SLX4IP: variants seen among roughly 807,000 people sequenced by gnomAD.
The protein encoded by SLX4IP is protein SLX4IP.
SLX4IP carries 34 observed loss-of-function variants against 32.9 expected under a neutral mutation model. The observed-to-expected ratio is 1.03, with a 90% confidence interval of 0.79 to 1.38. The LOEUF (loss-of-function observed/expected upper bound fraction) is 1.38, where lower values mean the gene tolerates loss of function less well. Ranked by LOEUF, SLX4IP falls within the 40% of genes most tolerant of loss-of-function variation. The pLI, the probability that SLX4IP is intolerant of heterozygous loss-of-function variation, is 0.00. For synonymous variants in SLX4IP, 172 were observed against 171.7 expected (o/e 1.00, Z -0.01); for missense variants, 444 against 479.0 (o/e 0.93, Z 0.68).
intron 4 of SLX4IP, among the ~76,000 whole-genome samples, chr20:10,587,058 AAAAAG>A (rs752148973): frequency 5.3e-5 from 8 of 152,082 alleles, no homozygotes; most frequent in Non-Finnish European, 8.8e-5. Flanking sequence ...ACTAGGATCA[AAAAAG>A]AAAAGAAAAA....
chr20:10,542,636 C>A (rs1018769064), intron 2 of SLX4IP, among the ~76,000 whole-genome samples: 5 of 152,210 alleles, frequency 3.3e-5, no homozygotes, highest in Non-Finnish European at 5.9e-5. Context: ...GGCAGCCTAA[C>A]ATGAAATTAA....
At chr20:10,543,949 A>T (rs887624656) in intron 2 of SLX4IP, among the ~76,000 whole-genome samples, 3 of 152,136 alleles carry the variant, frequency 2.0e-5, no homozygotes, top group Non-Finnish European at 4.4e-5. Flanking sequence ...GCTCTCCCTT[A>T]GTAGTCTGTT....
chr20:10,614,464 T>C (rs545819165), intron 6 of SLX4IP, among the ~76,000 whole-genome samples: 1 of 152,180 alleles, frequency 6.6e-6, no homozygotes, highest in East Asian at 1.9e-4. Flanking sequence ...GGCCATGTGG[T>C]CAGGATGAGC....
intron 6 of SLX4IP, among the ~76,000 whole-genome samples, chr20:10,618,210 T>C (rs2067061757): frequency 6.6e-6 from 1 of 152,136 alleles, no homozygotes; most frequent in Non-Finnish European, 1.5e-5. Context: ...GTCTCCAGAG[T>C]ACCCCCAAAG....
intron 4 of SLX4IP, among the ~76,000 whole-genome samples, chr20:10,571,270 G>T (rs1030619812): frequency 2.6e-5 from 4 of 152,198 alleles, no homozygotes. Flanking sequence ...CCCAGGACCT[G>T]GAGGCTTTTG....
chr20:10,607,292 C>T (rs1334660778), intron 6 of SLX4IP, among the ~76,000 whole-genome samples: 1 of 152,170 alleles, frequency 6.6e-6, no homozygotes, highest in Non-Finnish European at 1.5e-5. Flanking sequence ...TATTTGGGTT[C>T]TCTGCCTTAT....
At chr20:10,586,559 G>A (rs1210775773) in intron 4 of SLX4IP, among the ~76,000 whole-genome samples, 1 of 152,026 alleles carries the variant, frequency 6.6e-6, no homozygotes. Flanking sequence ...AACAACCCCA[G>A]ACTAATGGTT....
In SLX4IP at chr20:10,485,476, G is replaced by T. The variant is rs1362819450; in HGVS notation, c.27+27245G>T. Among the ~76,000 whole-genome samples, 4 of 152,054 alleles carry T rather than the reference G, an allele frequency of 2.6e-5. No individual in the cohort carries two copies. The South Asian group carries it at 8.3e-4, about 32-fold the overall frequency. ...ACTAAAAAAACAAAACATTAGCCGGGCATGGTAGTGCACACCTGTAATCCC... is the reference window on the plus strand; with the variant it reads ...ACTAAAAAAACAAAACATTAGCCGGTCATGGTAGTGCACACCTGTAATCCC... On this transcript the variant is annotated intron_variant, in intron 2 of 7. Coordinates refer to ENST00000334534, the MANE Select transcript of SLX4IP (RefSeq NM_001009608.3).
chr20:10,483,449 G>A (rs538090249), intron 2 of SLX4IP, among the ~76,000 whole-genome samples: 1 of 152,050 alleles, frequency 6.6e-6, no homozygotes, highest in African/African-American at 2.4e-5. Context: ...AATTAGTATG[G>A]GATGAGTTAG....
chr20:10,558,659 CA>C (rs2066296443), intron 3 of SLX4IP, among the ~76,000 whole-genome samples: 1 of 152,152 alleles, frequency 6.6e-6, no homozygotes, highest in Admixed American at 6.5e-5. Context: ...TCTTTGTACC[CA>C]AACAGTTGAA....
chr20:10,473,725 C>T (rs1156378829), intron 2 of SLX4IP, among the ~76,000 whole-genome samples: 3 of 152,006 alleles, frequency 2.0e-5, no homozygotes, highest in African/African-American at 7.2e-5. Context: ...GCCTCAGCCT[C>T]CCAAGTAGCT....
At chr20:10,547,362 A>C (rs1264183796) in intron 2 of SLX4IP, among the ~76,000 whole-genome samples, 9 of 152,236 alleles carry the variant, frequency 5.9e-5, no homozygotes, top group Non-Finnish European at 5.9e-5. Flanking sequence ...GGGAAGTTAC[A>C]CATCCTTGAC....
intron 2 of SLX4IP, among the ~76,000 whole-genome samples, chr20:10,480,973 A>G (rs1042751433): frequency 6.6e-6 from 1 of 152,170 alleles, no homozygotes; most frequent in African/African-American, 2.4e-5. Flanking sequence ...ATATCTCCCT[A>G]TTATATAGGT....
chr20:10,566,229 T>C (rs1247866413), intron 4 of SLX4IP, among the ~76,000 whole-genome samples: 2 of 148,508 alleles, frequency 1.3e-5, no homozygotes, highest in Non-Finnish European at 3.0e-5. Context: ...GAGATTGCCA[T>C]TGTTTTAGTT....
chr20:10,473,600 CTG>C (rs2122366368), intron 2 of SLX4IP, among the ~76,000 whole-genome samples: 1 of 96,042 alleles, frequency 1.0e-5, no homozygotes, highest in African/African-American at 3.5e-5. Flanking sequence ...TGCCAGAGTT[CTG>C]TTTCTTTTTT....
At chr20:10,545,593 C>A (rs1274168274) in intron 2 of SLX4IP, among the ~76,000 whole-genome samples, 4 of 152,162 alleles carry the variant, frequency 2.6e-5, no homozygotes, top group African/African-American at 7.2e-5. Context: ...CTTTATCTGG[C>A]AAGTCCTTTG....
At chr20:10,594,502 A>C (rs1260119995) in intron 4 of SLX4IP, among the ~76,000 whole-genome samples, 1 of 152,218 alleles carries the variant, frequency 6.6e-6, no homozygotes, top group Non-Finnish European at 1.5e-5. Context: ...TCCCGTTGGC[A>C]GCTGTGGGGA....
At chr20:10,479,361 T>TTTTC (rs2065502421) in intron 2 of SLX4IP, among the ~76,000 whole-genome samples, 1 of 149,760 alleles carries the variant, frequency 6.7e-6, no homozygotes, top group South Asian at 2.1e-4. Flanking sequence ...TCTTTTTTTT[T>TTTTC]TTTTTTTTTG....
intron 6 of SLX4IP, among the ~76,000 whole-genome samples, chr20:10,619,041 C>T (rs1193525273): frequency 6.6e-6 from 1 of 152,118 alleles, no homozygotes; most frequent in Non-Finnish European, 1.5e-5. Flanking sequence ...TCTAATGAGA[C>T]CTGACAGCTC....
Sources: allele counts gnomAD v4.1 joint callset (sites outside exome capture counted in the v4.1 genomes callset), GRCh38; gene constraint gnomAD v4.1.1; transcripts MANE v1.5; gene names NCBI Gene and HGNC (gene_info 2026-07-23, HGNC 2026-07-21).